ZNF804B: variants seen among roughly 807,000 people sequenced by gnomAD.
ZNF804B encodes the protein zinc finger 804B.
ZNF804B carries 80 observed loss-of-function variants against 101.4 expected under a neutral mutation model. The observed-to-expected ratio is 0.79, with a 90% confidence interval of 0.66 to 0.95. The LOEUF (loss-of-function observed/expected upper bound fraction) is 0.95. Ranked by LOEUF, ZNF804B falls within the 40% of genes least tolerant of loss-of-function variation. The pLI is 0.00. For missense variants in ZNF804B, 1,673 were observed against 1,561.9 expected (o/e 1.07, Z -1.20); for synonymous variants, 622 against 558.8 (o/e 1.11, Z -1.59).
chr7:89,299,653 G>T (rs1391005604), intron 2 of ZNF804B, among the ~76,000 whole-genome samples: 6 of 152,018 alleles, frequency 3.9e-5, no homozygotes, highest in Admixed American at 3.9e-4. Flanking sequence ...GGAATATCTA[G>T]TTTTCTTTGT....
chr7:88,804,628 G>C (rs922893883), intron 1 of ZNF804B, among the ~76,000 whole-genome samples: 25 of 152,044 alleles, frequency 1.6e-4, no homozygotes, highest in African/African-American at 5.5e-4. Flanking sequence ...TAAAATCTTT[G>C]TGTAATAGCA....
Position 88,806,469 on chromosome 7 carries a change from T to C in ZNF804B, c.108+46385T>C, listed in dbSNP as rs541488739. ...CAGAGTTGCAAGTGTAAGTTAACTT[T>C]CGTATCTGGCATTTACTCTACCTTA... On this transcript the variant is annotated intron_variant, in intron 1 of 3. Transcript: ENST00000333190. Among the ~76,000 whole-genome samples the C allele has an allele frequency of 6.3e-4, 96 of 152,178 alleles. 1 individual carries two copies. The highest frequency in any genetic ancestry group is 1.6e-3 in the African/African-American group (68 of 41,542).
chr7:89,048,217 C>CACAG (rs1435315685), intron 1 of ZNF804B, among the ~76,000 whole-genome samples: 2 of 150,294 alleles, frequency 1.3e-5, no homozygotes, highest in Non-Finnish European at 2.9e-5. Flanking sequence ...CACACACACA[C>CACAG]ACACACACAA....
At chr7:89,119,468 T>G (rs1306302690) in intron 1 of ZNF804B, among the ~76,000 whole-genome samples, 1 of 152,202 alleles carries the variant, frequency 6.6e-6, no homozygotes, top group Admixed American at 6.5e-5. Flanking sequence ...AATAACCCTA[T>G]GAAGTATGAG....
At chr7:89,098,952 G>A (rs1790011155) in intron 1 of ZNF804B, among the ~76,000 whole-genome samples, 1 of 150,988 alleles carries the variant, frequency 6.6e-6, no homozygotes, top group Non-Finnish European at 1.5e-5. Context: ...GTTTTAACAA[G>A]CAAACTGAAA....
intron 1 of ZNF804B, among the ~76,000 whole-genome samples, chr7:88,904,551 A>G (rs1018973989): frequency 1.3e-5 from 2 of 152,134 alleles, no homozygotes; most frequent in Non-Finnish European, 2.9e-5. Flanking sequence ...TAGTATGGCA[A>G]TTTTAATTAT....
intron 1 of ZNF804B, among the ~76,000 whole-genome samples, chr7:88,832,169 CA>C (rs111865956): frequency 0.04 from 5,918 of 146,366 alleles, 402 homozygotes; most frequent in African/African-American, 0.14. Flanking sequence ...TATTCCTGCT[CA>C]AAAAAAAAAA....
chr7:89,142,507 C>T (rs979623708), intron 1 of ZNF804B, among the ~76,000 whole-genome samples: 2 of 151,922 alleles, frequency 1.3e-5, no homozygotes, highest in African/African-American at 4.8e-5. Context: ...TCTTGGTATC[C>T]ATTGCTTTGA....
At chr7:88,851,155 C>G (rs1193797293) in intron 1 of ZNF804B, among the ~76,000 whole-genome samples, 6 of 152,012 alleles carry the variant, frequency 3.9e-5, no homozygotes, top group African/African-American at 9.7e-5. Context: ...AGTTGTGAAA[C>G]AACTTCAGGT....
intron 1 of ZNF804B, among the ~76,000 whole-genome samples, chr7:89,135,641 C>A (rs368388416): frequency 6.6e-6 from 1 of 152,008 alleles, no homozygotes; most frequent in African/African-American, 2.4e-5. Flanking sequence ...TAAAACGTGT[C>A]CTATCTGATG....
chr7:89,324,126 C>T (rs963250870), intron 2 of ZNF804B, among the ~76,000 whole-genome samples: 4 of 151,876 alleles, frequency 2.6e-5, no homozygotes, highest in Non-Finnish European at 4.4e-5. Context: ...TTTGGTGTAA[C>T]GTTTTCCGTA....
intron 1 of ZNF804B, among the ~76,000 whole-genome samples, chr7:88,933,747 T>A (rs767779857): frequency 6.6e-6 from 1 of 151,874 alleles, no homozygotes; most frequent in Non-Finnish European, 1.5e-5. Context: ...AAACCACTGC[T>A]GAAAGAAATC....
At chr7:89,221,523 A>G (rs1297829103) in intron 2 of ZNF804B, among the ~76,000 whole-genome samples, 3 of 151,922 alleles carry the variant, frequency 2.0e-5, no homozygotes, top group Middle Eastern at 3.2e-3. Context: ...TCTTTTGAGA[A>G]CTGTAGGAAG....
At chr7:89,234,794 C>CCT in intron 2 of ZNF804B, among the ~76,000 whole-genome samples, 1 of 152,124 alleles carries the variant, frequency 6.6e-6, no homozygotes, top group Non-Finnish European at 1.5e-5. Context: ...TGGGGTCTCT[C>CCT]GGGTGTTCAG....
chr7:88,811,989 T>C (rs1387551834), intron 1 of ZNF804B, among the ~76,000 whole-genome samples: 1 of 152,134 alleles, frequency 6.6e-6, no homozygotes, highest in Non-Finnish European at 1.5e-5. Context: ...TTGAGAACTT[T>C]TTGATGATCA....
chr7:89,277,466 T>A (rs1321528364), intron 2 of ZNF804B, among the ~76,000 whole-genome samples: 1 of 53,900 alleles, frequency 1.9e-5, no homozygotes, highest in Non-Finnish European at 3.4e-5. Flanking sequence ...CTCCCAATGC[T>A]ATCCCTCCCC....
chr7:88,873,400 G>C (rs1202166800), intron 1 of ZNF804B, among the ~76,000 whole-genome samples: 2 of 152,026 alleles, frequency 1.3e-5, no homozygotes, highest in African/African-American at 4.8e-5. Context: ...TTGTGAAAAT[G>C]TTCTCCCATT....
chr7:89,004,822 T>G (rs1404435900), intron 1 of ZNF804B, among the ~76,000 whole-genome samples: 1 of 151,976 alleles, frequency 6.6e-6, no homozygotes, highest in East Asian at 1.9e-4. Flanking sequence ...TGTGTATCAG[T>G]GGGGCCACCA....
At chr7:88,937,476 A>G (rs912243188) in intron 1 of ZNF804B, among the ~76,000 whole-genome samples, 3 of 152,070 alleles carry the variant, frequency 2.0e-5, no homozygotes, top group African/African-American at 7.2e-5. Flanking sequence ...GTGAGGGAGA[A>G]TCACTGACAA....
Sources: allele counts gnomAD v4.1 joint callset (sites outside exome capture counted in the v4.1 genomes callset), GRCh38; gene constraint gnomAD v4.1.1; transcripts MANE v1.5; gene names NCBI Gene and HGNC (gene_info 2026-07-23, HGNC 2026-07-21).